The following CMSS1 variants were observed in gnomAD, a reference collection of about 807,000 sequenced individuals.
The protein encoded by CMSS1 is cms1 ribosomal small subunit homolog, also known as protein CMSS1.
CMSS1 carries 33 observed loss-of-function variants against 43.5 expected under a neutral mutation model. The observed-to-expected ratio is 0.76, with a 90% confidence interval of 0.57 to 1.01. CMSS1 has a LOEUF of 1.01. Among genes scored for constraint, CMSS1 ranks in the 50% least tolerant of loss-of-function variants. CMSS1 has a pLI of 0.00. For synonymous variants in CMSS1, 115 were observed against 117.2 expected (o/e 0.98, Z 0.12); for missense variants, 313 against 326.4 (o/e 0.96, Z 0.32).
At chr3:100,088,099 G>A (rs2066043899) in intron 1 of CMSS1, among the ~76,000 whole-genome samples, 2 of 152,046 alleles carry the variant, frequency 1.3e-5, no homozygotes, top group African/African-American at 4.8e-5. Flanking sequence ...CCAAAGTGCT[G>A]GGATTACAGG....
At chr3:100,106,214 C>G (rs559741378) in intron 1 of CMSS1, among the ~76,000 whole-genome samples, 2 of 152,218 alleles carry the variant, frequency 1.3e-5, no homozygotes, top group South Asian at 2.1e-4. Context: ...GTCAGTACAG[C>G]CAGGATACCA....
intron 1 of CMSS1, among the ~76,000 whole-genome samples, chr3:100,109,229 T>A (rs969472659): frequency 1.5e-4 from 23 of 152,006 alleles, no homozygotes; most frequent in Non-Finnish European, 2.2e-4. Context: ...TAAAAAAAAA[T>A]TTTTCAATGA....
chr3:99,927,224 C>T (rs188026534), intron 1 of CMSS1, among the ~76,000 whole-genome samples: 1 of 152,284 alleles, frequency 6.6e-6, no homozygotes, highest in East Asian at 1.9e-4. Flanking sequence ...TATTAACTAA[C>T]TAAATGAATA....
chr3:99,843,986 TC>T (rs1409517882), intron 1 of CMSS1, among the ~76,000 whole-genome samples: 1 of 147,086 alleles, frequency 6.8e-6, no homozygotes, highest in Non-Finnish European at 1.5e-5. Context: ...CCTGAAACCA[TC>T]CCCCCAACCC....
chr3:100,102,645 T>C (rs1002379773), intron 1 of CMSS1, among the ~76,000 whole-genome samples: 2 of 152,210 alleles, frequency 1.3e-5, no homozygotes, highest in Non-Finnish European at 2.9e-5. Context: ...CAAGCTGCAT[T>C]CTGTGTCCTC....
At chr3:99,969,371 A>C (rs1373934819) in intron 1 of CMSS1, among the ~76,000 whole-genome samples, 1 of 152,226 alleles carries the variant, frequency 6.6e-6, no homozygotes, top group East Asian at 1.9e-4. Flanking sequence ...AGCAAGAATG[A>C]GTAGGAGGTT....
chr3:100,078,870 G>T (rs997713735), intron 1 of CMSS1, among the ~76,000 whole-genome samples: 1 of 152,110 alleles, frequency 6.6e-6, no homozygotes, highest in South Asian at 2.1e-4. Flanking sequence ...CAGCCTGAGC[G>T]ACAGAGTGGG....
intron 6 of CMSS1, among the ~76,000 whole-genome samples, chr3:100,170,099 G>T (rs2067097933): frequency 6.6e-6 from 1 of 152,136 alleles, no homozygotes; most frequent in African/African-American, 2.4e-5. Flanking sequence ...AAGAACATCT[G>T]TTCTATTGAG....
intron 1 of CMSS1, among the ~76,000 whole-genome samples, chr3:99,821,041 T>TTA (rs202121564): frequency 6.6e-6 from 1 of 152,210 alleles, no homozygotes; most frequent in Non-Finnish European, 1.5e-5. Flanking sequence ...TGTACATGGT[T>TTA]TATAACATCT....
At position 99,947,007 on chromosome 3, in the gene CMSS1, G is replaced by A. The variant is rs56233341; in HGVS notation, c.64+128964G>A. On this transcript the variant is annotated intron_variant, in intron 1 of 9. Coordinates refer to ENST00000421999, the MANE Select transcript of CMSS1 (RefSeq NM_032359.4). ...CAAAAATTAGCGGGGCGTGGTGGCA[G>A]GCACCTGTAATCCCAGATACTCGGG... is the stretch of plus-strand genomic sequence containing the variant. 1.7e-3 allele frequency among the ~76,000 whole-genome samples: 265 copies of A among 151,998 alleles called. 1 individual carries two copies. The highest frequency in any genetic ancestry group is 5.9e-3 in the African/African-American group (246 of 41,462).
chr3:99,874,952 TCA>T lies in CMSS1; in HGVS notation c.64+56910_64+56911del, dbSNP rs1705435924. ...ACTAAAATGCCAGCATTTTAAAATC[TCA>T]GAGTAAATATAAATGGCAGCCTATG... On this transcript the variant is annotated intron_variant, in intron 1 of 9. Transcript: ENST00000421999. Among the ~76,000 whole-genome samples, 3 of 152,204 alleles carry T rather than the reference TCA, an allele frequency of 2.0e-5. No individual in the cohort carries two copies. The South Asian group carries it at 6.2e-4, about 32-fold the overall frequency.
At chr3:99,848,917 G>A in intron 1 of CMSS1, 1 of 1,614,182 alleles carries the variant, frequency 6.2e-7, no homozygotes, top group East Asian at 2.2e-5. Context: ...GGTTGGACTT[G>A]TGATTTCAAG....
intron 1 of CMSS1, among the ~76,000 whole-genome samples, chr3:99,821,192 T>A (rs528716979): frequency 1.8e-4 from 27 of 152,358 alleles, no homozygotes; most frequent in Non-Finnish European, 3.1e-4. Context: ...AGTTCTACAT[T>A]GCACTGGAGC....
intron 1 of CMSS1, among the ~76,000 whole-genome samples, chr3:100,086,834 G>C (rs1396061980): frequency 1.3e-5 from 2 of 152,062 alleles, no homozygotes; most frequent in Admixed American, 1.3e-4. Context: ...ATCACCCCCA[G>C]AAATCCTTCA....
chr3:100,026,859 G>A (rs73859920), intron 1 of CMSS1, among the ~76,000 whole-genome samples: 1,656 of 152,062 alleles, frequency 0.011, 26 homozygotes, highest in African/African-American at 0.038. Flanking sequence ...TCGCCCCACT[G>A]CCCACAATCC....
At chr3:100,102,117 A>T (rs1204800083) in intron 1 of CMSS1, among the ~76,000 whole-genome samples, 1 of 152,146 alleles carries the variant, frequency 6.6e-6, no homozygotes, top group Non-Finnish European at 1.5e-5. Context: ...AAGATTTATA[A>T]TCCTTTGGGT....
At chr3:100,042,326 A>G (rs968048608) in intron 1 of CMSS1, among the ~76,000 whole-genome samples, 1 of 152,130 alleles carries the variant, frequency 6.6e-6, no homozygotes, top group African/African-American at 2.4e-5. Flanking sequence ...TAATAAGAAG[A>G]CCAGCCAGTA....
chr3:100,106,426 G>A (rs2107467451), intron 1 of CMSS1, among the ~76,000 whole-genome samples: 1 of 152,060 alleles, frequency 6.6e-6, no homozygotes, highest in South Asian at 2.1e-4. Flanking sequence ...GCAAGATATG[G>A]CCCCAGGGAC....
rs1330012873 is a variant in CMSS1 at position 99,836,191 on chromosome 3, C to T, written c.64+18148C>T. The stretch of plus-strand genomic sequence containing the variant: ...TAGATTAACTATCTTACAGTACCAT[C>T]TGTCCTAAATTCTGGGCTTGGGGAG... On this transcript the variant is annotated intron_variant, in intron 1 of 9. Transcript: ENST00000421999. Among the ~76,000 whole-genome samples the T allele has an allele frequency of 2.0e-5, 3 of 152,134 alleles. No individual in the cohort carries two copies. In the East Asian group the frequency reaches 5.8e-4, roughly 29 times the overall value.
Sources: allele counts gnomAD v4.1 joint callset (sites outside exome capture counted in the v4.1 genomes callset), GRCh38; gene constraint gnomAD v4.1.1; transcripts MANE v1.5; gene names NCBI Gene and HGNC (gene_info 2026-07-23, HGNC 2026-07-21).